CDH20: variants seen among roughly 807,000 people sequenced by gnomAD.
The protein encoded by CDH20 is cadherin-20.
Under a neutral mutation model 74.2 loss-of-function variants are expected in CDH20, and 29 were observed. That is an observed-to-expected ratio of 0.39 (90% CI 0.29 to 0.53). The LOEUF is 0.53. CDH20 is among the 20% of genes least tolerant of loss of function. The pLI, the probability that CDH20 is intolerant of heterozygous loss-of-function variation, is 0.69. For synonymous variants in CDH20, 469 were observed against 405.4 expected, an observed-to-expected ratio of 1.16 and a Z score of -1.88; for missense variants, 988 against 1,048.3, an observed-to-expected ratio of 0.94 and a Z score of 0.79.
chr18:61,429,529 T>A (rs1359626076), intron 1 of CDH20, among the ~76,000 whole-genome samples: 1 of 152,178 alleles, frequency 6.6e-6, no homozygotes, highest in African/African-American at 2.4e-5. Flanking sequence ...TGACTTCAGC[T>A]CCGAAGAGAA....
chr18:61,335,284 T>C (rs1461085808), intron 1 of CDH20, among the ~76,000 whole-genome samples: 2 of 152,210 alleles, frequency 1.3e-5, no homozygotes, highest in East Asian at 1.9e-4. Context: ...ATTCAGGTCC[T>C]GACACTGGAG....
chr18:61,495,470 C>G (rs1911103632), intron 2 of CDH20, among the ~76,000 whole-genome samples: 1 of 152,238 alleles, frequency 6.6e-6, no homozygotes, highest in Admixed American at 6.5e-5. Context: ...ATCTCCTCTC[C>G]CAGGTAGGTT....
chr18:61,440,490 A>G (rs538013171), intron 1 of CDH20, among the ~76,000 whole-genome samples: 1 of 152,192 alleles, frequency 6.6e-6, no homozygotes, highest in African/African-American at 2.4e-5. Context: ...TCAGTTATCT[A>G]TTGCCACAAT....
chr18:61,406,933 T>G (rs1245146515), intron 1 of CDH20, among the ~76,000 whole-genome samples: 8 of 152,134 alleles, frequency 5.3e-5, no homozygotes, highest in Non-Finnish European at 1.2e-4. Flanking sequence ...AAGCATTGAA[T>G]AAGAATATGA....
At chr18:61,443,996 T>C (rs1386710816) in intron 1 of CDH20, among the ~76,000 whole-genome samples, 1 of 152,088 alleles carries the variant, frequency 6.6e-6, no homozygotes, top group East Asian at 1.9e-4. Context: ...AGGAAGTCAG[T>C]TGTCTGGACC....
chr18:61,452,120 C>G lies in CDH20; in HGVS notation c.-152-38282C>G, dbSNP rs1479710139. ...AAAAACAAAAAACACCCCCTCCCAACAGTCCTCCAGTGATATCTCCTCCTT... is the reference window on the plus strand; with the variant it reads ...AAAAACAAAAAACACCCCCTCCCAAGAGTCCTCCAGTGATATCTCCTCCTT... On this transcript the variant is annotated intron_variant, in intron 1 of 11. Transcript: ENST00000262717. 2.0e-5 allele frequency among the ~76,000 whole-genome samples: 3 copies of G among 152,138 alleles called. No homozygotes were observed. In the East Asian group the frequency reaches 5.8e-4, roughly 29 times the overall value.
At position 61,341,124 on chromosome 18, in the gene CDH20, C is replaced by T. The variant is rs146719085; in HGVS notation, c.-153+7297C>T. ...TCCGTACCCACCTCCCACACGGGTG[C>T]CAATGTTCTCTTATGTTTTACTCTG... On this transcript the variant is annotated intron_variant, in intron 1 of 11. Coordinates refer to ENST00000262717, the MANE Select transcript of CDH20 (RefSeq NM_031891.4). 5.5e-3 allele frequency among the ~76,000 whole-genome samples: 833 copies of T among 152,274 alleles called. 18 individuals carry two copies. The highest frequency in any genetic ancestry group is 4.1e-3 in the Non-Finnish European group (281 of 68,034).
At chr18:61,526,813 G>A (rs931387693) in intron 6 of CDH20, among the ~76,000 whole-genome samples, 19 of 152,144 alleles carry the variant, frequency 1.2e-4, no homozygotes, top group African/African-American at 3.6e-4. Context: ...CTGTAACCAC[G>A]TCAGCATACT....
chr18:61,343,411 C>A (rs1910016271), intron 1 of CDH20, among the ~76,000 whole-genome samples: 1 of 152,186 alleles, frequency 6.6e-6, no homozygotes, highest in Non-Finnish European at 1.5e-5. Context: ...TTAACACCAA[C>A]ATGTGCCAGT....
chr18:61,430,230 T>C (rs1913210855), intron 1 of CDH20, among the ~76,000 whole-genome samples: 1 of 152,208 alleles, frequency 6.6e-6, no homozygotes, highest in Non-Finnish European at 1.5e-5. Context: ...ATAAACTCTC[T>C]GAGAATAAGA....
intron 1 of CDH20, among the ~76,000 whole-genome samples, chr18:61,469,284 C>T (rs1292968895): frequency 6.6e-6 from 1 of 151,886 alleles, no homozygotes; most frequent in African/African-American, 2.4e-5. Context: ...ACTCAGTTGG[C>T]TGTAGCTCCT....
chr18:61,371,598 T>C (rs1911041785), intron 1 of CDH20, among the ~76,000 whole-genome samples: 1 of 152,054 alleles, frequency 6.6e-6, no homozygotes, highest in Non-Finnish European at 1.5e-5. Context: ...TTTCCAAAAA[T>C]ATTCATGCCC....
intron 1 of CDH20, among the ~76,000 whole-genome samples, chr18:61,463,272 C>A (rs1386350081): frequency 6.6e-6 from 1 of 152,146 alleles, no homozygotes; most frequent in Non-Finnish European, 1.5e-5. Flanking sequence ...CTCACCCCAT[C>A]CCGGTATCAT....
At chr18:61,440,222 G>A (rs1271374964) in intron 1 of CDH20, among the ~76,000 whole-genome samples, 2 of 152,086 alleles carry the variant, frequency 1.3e-5, no homozygotes, top group Non-Finnish European at 2.9e-5. Flanking sequence ...TTTCCCAATA[G>A]GATGTAAGTA....
chr18:61,543,642 T>C (rs1476444740), intron 9 of CDH20, among the ~76,000 whole-genome samples: 1 of 150,982 alleles, frequency 6.6e-6, no homozygotes, highest in Non-Finnish European at 1.5e-5. Flanking sequence ...AGAGTTCTGC[T>C]TCTGACTCTT....
At chr18:61,363,804 A>G (rs1910774284) in intron 1 of CDH20, among the ~76,000 whole-genome samples, 1 of 152,190 alleles carries the variant, frequency 6.6e-6, no homozygotes, top group Non-Finnish European at 1.5e-5. Context: ...TATTACATCA[A>G]AGTTGGTGGT....
chr18:61,441,965 C>G (rs774848926), intron 1 of CDH20, among the ~76,000 whole-genome samples: 2 of 152,114 alleles, frequency 1.3e-5, no homozygotes, highest in Non-Finnish European at 2.9e-5. Context: ...GAGGAAAAGA[C>G]GACCCCAGTA....
chr18:61,460,717 T>A (rs894666893), intron 1 of CDH20, among the ~76,000 whole-genome samples: 1 of 152,154 alleles, frequency 6.6e-6, no homozygotes, highest in Non-Finnish European at 1.5e-5. Context: ...ACTTTTGATA[T>A]CCCTTGACCA....
intron 10 of CDH20, among the ~76,000 whole-genome samples, chr18:61,548,767 C>T (rs1049943554): frequency 6.6e-6 from 1 of 152,226 alleles, no homozygotes; most frequent in African/African-American, 2.4e-5. Flanking sequence ...AGCATGGAGA[C>T]TTACACACCA....
Sources: allele counts gnomAD v4.1 joint callset (sites outside exome capture counted in the v4.1 genomes callset), GRCh38; gene constraint gnomAD v4.1.1; transcripts MANE v1.5; gene names NCBI Gene and HGNC (gene_info 2026-07-23, HGNC 2026-07-21).